Variants in HS3ST5 observed in about 807,000 individuals in gnomAD.
HS3ST5 encodes the protein heparan sulfate-glucosamine 3-sulfotransferase 5, also known as heparan sulfate glucosamine 3-O-sulfotransferase 5.
A neutral mutation model predicts 25.4 loss-of-function variants in HS3ST5; 10 were observed. The observed-to-expected ratio is 0.39, with a 90% CI of 0.24 to 0.67. The LOEUF is 0.67. Among genes scored for constraint, HS3ST5 ranks in the 30% least tolerant of loss-of-function variants. The pLI is 0.44. For synonymous variants in HS3ST5, 170 were observed against 162.4 expected (o/e 1.05, Z -0.36); for missense variants, 324 against 420.7 (o/e 0.77, Z 2.01).
intron 3 of HS3ST5, among the ~76,000 whole-genome samples, chr6:114,140,946 A>G (rs1245609501): frequency 6.6e-6 from 1 of 152,200 alleles, no homozygotes; most frequent in Non-Finnish European, 1.5e-5. Context: ...CAAGGTTGTT[A>G]TAAGGATTAA....
chr6:114,118,303 CAT>C (rs1180416357), intron 3 of HS3ST5, among the ~76,000 whole-genome samples: 3 of 152,012 alleles, frequency 2.0e-5, no homozygotes, highest in Non-Finnish European at 4.4e-5. Context: ...AAAAAAATGG[CAT>C]ATAGAAAGGA....
At chr6:114,301,745 C>T (rs1387763397) in intron 1 of HS3ST5, among the ~76,000 whole-genome samples, 1 of 152,098 alleles carries the variant, frequency 6.6e-6, no homozygotes, top group Non-Finnish European at 1.5e-5. Flanking sequence ...GGACATATGG[C>T]TGAGCCCTCA....
intron 3 of HS3ST5, among the ~76,000 whole-genome samples, chr6:114,139,520 T>A (rs999445901): frequency 6.6e-6 from 1 of 152,152 alleles, no homozygotes. Context: ...GAAACATAGG[T>A]ATTCTCAGTA....
At chr6:114,214,971 C>T (rs1359675671) in intron 2 of HS3ST5, among the ~76,000 whole-genome samples, 1 of 152,084 alleles carries the variant, frequency 6.6e-6, no homozygotes, top group Non-Finnish European at 1.5e-5. Flanking sequence ...TAATTACTCC[C>T]TATTATTTCT....
chr6:114,143,900 A>G (rs1263566472), intron 3 of HS3ST5: 1 of 152,496 alleles, frequency 6.6e-6, no homozygotes, highest in Admixed American at 6.5e-5. Context: ...CTTTCCCAAT[A>G]AACTCTAACC....
chr6:114,164,388 C>T (rs1264516197), intron 3 of HS3ST5, among the ~76,000 whole-genome samples: 1 of 152,096 alleles, frequency 6.6e-6, no homozygotes, highest in Non-Finnish European at 1.5e-5. Flanking sequence ...TGATAAACTG[C>T]AAATACTAAG....
chr6:114,069,298 C>A (rs1773647665), intron 3 of HS3ST5, among the ~76,000 whole-genome samples: 1 of 151,494 alleles, frequency 6.6e-6, no homozygotes. Context: ...GCTCTGTGTT[C>A]ATATGTTCAT....
intron 3 of HS3ST5, among the ~76,000 whole-genome samples, chr6:114,131,726 A>G (rs893436941): frequency 3.9e-5 from 6 of 152,174 alleles, no homozygotes; most frequent in African/African-American, 1.4e-4. Flanking sequence ...GTTTCTTTTT[A>G]TGTAAAAATA....
chr6:114,184,054 C>CTTTTTTTTTTTTTTT (rs34370810), intron 2 of HS3ST5, among the ~76,000 whole-genome samples: 1 of 78,686 alleles, frequency 1.3e-5, no homozygotes, highest in African/African-American at 5.1e-5. Context: ...TTTTTCCTTT[C>CTTTTTTTTTTTTTTT]TTTTTTTTTT....
At chr6:114,185,481 T>C (rs566299073) in intron 2 of HS3ST5, among the ~76,000 whole-genome samples, 12 of 152,268 alleles carry the variant, frequency 7.9e-5, no homozygotes, top group African/African-American at 2.9e-4. Flanking sequence ...AATAAATGTT[T>C]GTTGTCTAAG....
At chr6:114,190,851 G>GA (rs1780467051) in intron 2 of HS3ST5, among the ~76,000 whole-genome samples, 1 of 152,196 alleles carries the variant, frequency 6.6e-6, no homozygotes, top group Non-Finnish European at 1.5e-5. Flanking sequence ...CATGTAGACT[G>GA]AAACAGAATA....
chr6:114,124,852 T>C (rs1236928096), intron 3 of HS3ST5, among the ~76,000 whole-genome samples: 1 of 152,228 alleles, frequency 6.6e-6, no homozygotes, highest in African/African-American at 2.4e-5. Flanking sequence ...TCCAGAAAAC[T>C]GCTTGATGGT....
intron 1 of HS3ST5, among the ~76,000 whole-genome samples, chr6:114,315,369 G>A (rs905668067): frequency 6.6e-6 from 1 of 152,040 alleles, no homozygotes; most frequent in African/African-American, 2.4e-5. Flanking sequence ...TGTCTGATCT[G>A]TATCCTAAAC....
At chr6:114,144,121 C>T (rs1164489221) in intron 3 of HS3ST5, among the ~76,000 whole-genome samples, 1 of 152,170 alleles carries the variant, frequency 6.6e-6, no homozygotes, top group Non-Finnish European at 1.5e-5. Flanking sequence ...CTGTGTTCAC[C>T]ACTCTACTCT....
intron 2 of HS3ST5, among the ~76,000 whole-genome samples, chr6:114,225,240 T>A (rs1026826612): frequency 6.6e-6 from 1 of 151,794 alleles, no homozygotes; most frequent in African/African-American, 2.4e-5. Flanking sequence ...CCTTCAAATA[T>A]TTCTCTACTC....
At chr6:114,066,798 G>C (rs1040431056) in intron 3 of HS3ST5, among the ~76,000 whole-genome samples, 4 of 152,104 alleles carry the variant, frequency 2.6e-5, no homozygotes, top group Non-Finnish European at 4.4e-5. Flanking sequence ...TGCCTCCCTT[G>C]TTCCTTAACA....
chr6:114,262,743 A>G (rs1773235007), intron 1 of HS3ST5, among the ~76,000 whole-genome samples: 1 of 152,232 alleles, frequency 6.6e-6, no homozygotes, highest in Non-Finnish European at 1.5e-5. Flanking sequence ...TAAAAGCAAA[A>G]GGAACTTAAA....
chr6:114,197,755 T>C (rs1188237078), intron 2 of HS3ST5, among the ~76,000 whole-genome samples: 2 of 152,150 alleles, frequency 1.3e-5, no homozygotes, highest in Admixed American at 6.5e-5. Flanking sequence ...TCTGTGCTAA[T>C]TTGCTTGGGA....
intron 1 of HS3ST5, among the ~76,000 whole-genome samples, chr6:114,318,613 A>G (rs759292200): frequency 8.7e-4 from 132 of 152,296 alleles, no homozygotes; most frequent in Non-Finnish European, 1.7e-3. Flanking sequence ...TAATTAACTG[A>G]GTCCTACCCC....
Sources: gnomAD v4.1 joint callset for allele counts (sites outside exome capture counted in the v4.1 genomes callset) on GRCh38, gnomAD v4.1.1 for gene constraint, MANE v1.5 for transcripts, NCBI Gene and HGNC (gene_info 2026-07-23, HGNC 2026-07-21) for gene names.